Variants in CPQ observed in about 807,000 individuals in gnomAD.
CPQ encodes Ser-Met dipeptidase.
CPQ carries 37 observed loss-of-function variants against 45.7 expected under a neutral mutation model. The observed-to-expected ratio is 0.81, with a 90% CI of 0.62 to 1.07. CPQ has a LOEUF of 1.07. CPQ is among the 50% of genes least tolerant of loss of function. The probability of loss-of-function intolerance (pLI) is 0.00; values close to 1 mark genes in which losing one functional copy is unlikely to be tolerated. For synonymous variants in CPQ, 186 were observed against 205.8 expected (o/e 0.90, Z 0.82); for missense variants, 537 against 572.9 (o/e 0.94, Z 0.64).
intron 5 of CPQ, among the ~76,000 whole-genome samples, chr8:97,018,551 A>C (rs113458465): frequency 0.024 from 3,602 of 152,308 alleles, 90 homozygotes; most frequent in African/African-American, 0.065. Context: ...AAAAACAATC[A>C]AAACTTCAGG....
intron 7 of CPQ, among the ~76,000 whole-genome samples, chr8:97,141,365 A>C (rs1227859758): frequency 6.6e-6 from 1 of 152,128 alleles, no homozygotes; most frequent in Non-Finnish European, 1.5e-5. Context: ...AAATGGGCAA[A>C]ATGCATGAAC....
chr8:97,143,134 T>C lies in CPQ; in HGVS notation c.1370T>C (p.Val457Ala), dbSNP rs1350066990. 3.1e-6 allele frequency: 5 copies of C among 1,614,050 alleles called. No individual in the cohort carries two copies. The highest frequency in any genetic ancestry group is 4.2e-6 in the Non-Finnish European group (5 of 1,179,952). Residue 457 changes from valine to alanine, a missense_variant, in exon 8 of 8, where the codon GTT (valine) becomes GCT (alanine). Coordinates refer to ENST00000220763, the MANE Select transcript of CPQ (RefSeq NM_016134.4). ...AATGTTGCTGCTGCTGTTTGGGCTG[T>C]TGTTTCTTATGTTGTTGCAGACATG... ...QMNVAAAVWA[V>A]VSYVVADMEE...
intron 1 of CPQ, among the ~76,000 whole-genome samples, chr8:96,674,068 A>G (rs1297122923): frequency 3.3e-5 from 5 of 152,282 alleles, no homozygotes; most frequent in African/African-American, 1.2e-4. Context: ...AACTAATCAT[A>G]GGGAATCTGT....
At chr8:97,120,969 G>T (rs1322279891) in intron 7 of CPQ, among the ~76,000 whole-genome samples, 3 of 152,132 alleles carry the variant, frequency 2.0e-5, no homozygotes, top group Non-Finnish European at 4.4e-5. Context: ...AACCTAAAAG[G>T]TAAGTATAAT....
At chr8:96,931,893 C>T (rs1812979860) in intron 4 of CPQ, among the ~76,000 whole-genome samples, 1 of 152,160 alleles carries the variant, frequency 6.6e-6, no homozygotes, top group Non-Finnish European at 1.5e-5. Flanking sequence ...AGTTTAGTTG[C>T]CTTGAATCAT....
chr8:96,714,820 T>C (rs1284652084), intron 1 of CPQ, among the ~76,000 whole-genome samples: 3 of 152,164 alleles, frequency 2.0e-5, no homozygotes, highest in African/African-American at 7.2e-5. Context: ...TTCTTTTTTT[T>C]CCCTCTTGAT....
chr8:97,119,789 G>A (rs917104503), intron 7 of CPQ, among the ~76,000 whole-genome samples: 1 of 152,146 alleles, frequency 6.6e-6, no homozygotes, highest in Non-Finnish European at 1.5e-5. Context: ...AGTTTTAATT[G>A]TTTCTTTATC....
At chr8:96,735,730 C>A (rs1332645682) in intron 1 of CPQ, among the ~76,000 whole-genome samples, 3 of 152,218 alleles carry the variant, frequency 2.0e-5, no homozygotes, top group Non-Finnish European at 4.4e-5. Context: ...GCAGACAGGC[C>A]TTTACTCAGA....
chr8:96,965,368 T>C (rs2130361438), intron 4 of CPQ, among the ~76,000 whole-genome samples: 1 of 115,126 alleles, frequency 8.7e-6, no homozygotes, highest in African/African-American at 3.2e-5. Context: ...AGCCAATTTC[T>C]TTTCTTTTTT....
intron 1 of CPQ, among the ~76,000 whole-genome samples, chr8:96,762,445 A>G (rs960618102): frequency 1.3e-5 from 2 of 152,230 alleles, no homozygotes; most frequent in Non-Finnish European, 2.9e-5. Context: ...TGTAACACAT[A>G]GTAGCCTCTC....
chr8:96,998,951 C>G (rs1422904807), intron 5 of CPQ, among the ~76,000 whole-genome samples: 1 of 151,996 alleles, frequency 6.6e-6, no homozygotes, highest in Non-Finnish European at 1.5e-5. Context: ...AAAGAAGGTA[C>G]ATGATACTAG....
chr8:96,752,362 T>G (rs1163394875), intron 1 of CPQ, among the ~76,000 whole-genome samples: 1 of 152,194 alleles, frequency 6.6e-6, no homozygotes, highest in Admixed American at 6.5e-5. Context: ...GTTAGCTGTA[T>G]TCCTAGGCAT....
chr8:96,938,973 G>T (rs1431576823), intron 4 of CPQ, among the ~76,000 whole-genome samples: 1 of 152,164 alleles, frequency 6.6e-6, no homozygotes, highest in Non-Finnish European at 1.5e-5. Flanking sequence ...GCATCAGTAT[G>T]TATGGATCTA....
chr8:96,734,658 C>T (rs1809956372), intron 1 of CPQ, among the ~76,000 whole-genome samples: 1 of 151,658 alleles, frequency 6.6e-6, no homozygotes, highest in Non-Finnish European at 1.5e-5. Flanking sequence ...TTGCAGTGAG[C>T]CGAGATCGCC....
At chr8:97,100,385 A>C (rs1328925540) in intron 7 of CPQ, among the ~76,000 whole-genome samples, 1 of 152,144 alleles carries the variant, frequency 6.6e-6, no homozygotes, top group Admixed American at 6.6e-5. Flanking sequence ...AGGAGAGAGG[A>C]GCGGGCAAAC....
intron 1 of CPQ, among the ~76,000 whole-genome samples, chr8:96,681,835 C>T (rs1809156721): frequency 6.6e-6 from 1 of 152,222 alleles, no homozygotes; most frequent in African/African-American, 2.4e-5. Flanking sequence ...TCAGCATGAC[C>T]TGGATGTGAG....
intron 3 of CPQ, among the ~76,000 whole-genome samples, chr8:96,865,591 G>A (rs1811987138): frequency 6.6e-6 from 1 of 152,020 alleles, no homozygotes; most frequent in Non-Finnish European, 1.5e-5. Context: ...ACACGGCCTT[G>A]CCTCTTATGC....
chr8:96,833,947 T>TAA (rs1448814402), intron 2 of CPQ, among the ~76,000 whole-genome samples: 28 of 152,238 alleles, frequency 1.8e-4, no homozygotes, highest in African/African-American at 6.8e-4. Flanking sequence ...TTTCTCTAGT[T>TAA]TTTAATATTA....
chr8:96,931,162 G>A lies in CPQ; in HGVS notation c.850-34773G>A, dbSNP rs116011661. Among the ~76,000 whole-genome samples the A allele has an allele frequency of 3.6e-3, 555 of 152,292 alleles. 4 individuals carry two copies. Among genetic ancestry groups the A allele is most frequent in the African/African-American group, 0.012 (514 of 41,574 alleles). Reference sequence around the variant, plus strand: ...CATGCTATTAGGTATTAGGTAACAAGCCTCCACTTACAGAGTATCCTAGGG... The same window carrying A: ...CATGCTATTAGGTATTAGGTAACAAACCTCCACTTACAGAGTATCCTAGGG... On this transcript the variant is annotated intron_variant, in intron 4 of 7. Coordinates refer to ENST00000220763, the MANE Select transcript of CPQ (RefSeq NM_016134.4).
Sources: allele counts gnomAD v4.1 joint callset (sites outside exome capture counted in the v4.1 genomes callset), GRCh38; gene constraint gnomAD v4.1.1; transcripts MANE v1.5; gene names NCBI Gene and HGNC (gene_info 2026-07-23, HGNC 2026-07-21).